SLC25A26: variants seen among roughly 807,000 people sequenced by gnomAD.
SLC25A26 encodes the protein solute carrier family 25 member 26.
Under a neutral mutation model 37.8 loss-of-function variants are expected in SLC25A26, and 36 were observed. The observed-to-expected ratio is 0.95, with a 90% CI of 0.73 to 1.26. The LOEUF (loss-of-function observed/expected upper bound fraction) is 1.26. SLC25A26 is among the 50% of genes most tolerant of loss of function. SLC25A26 has a pLI of 0.00. For synonymous variants in SLC25A26, 129 were observed against 122.5 expected, an observed-to-expected ratio of 1.05 and a Z score of -0.35; for missense variants, 390 against 331.1, an observed-to-expected ratio of 1.18 and a Z score of -1.38.
intron 5 of SLC25A26, among the ~76,000 whole-genome samples, chr3:66,334,564 C>T (rs539255749): frequency 3.9e-5 from 6 of 152,312 alleles, no homozygotes; most frequent in Admixed American, 6.5e-5. Context: ...GATCCACCGG[C>T]CTCAGCCTCC....
chr3:66,343,754 A>C (rs2076259705), intron 5 of SLC25A26, among the ~76,000 whole-genome samples: 1 of 152,238 alleles, frequency 6.6e-6, no homozygotes, highest in Admixed American at 6.5e-5. Context: ...TTACTAATCC[A>C]TAATCATACT....
At chr3:66,238,898 A>G (rs191442047) in intron 2 of SLC25A26, among the ~76,000 whole-genome samples, 153 of 152,234 alleles carry the variant, frequency 1.0e-3, no homozygotes, top group Middle Eastern at 3.4e-3. Flanking sequence ...AGGCTCACAT[A>G]GTGTAACTTT....
intron 6 of SLC25A26, among the ~76,000 whole-genome samples, chr3:66,349,680 A>T (rs2076405796): frequency 6.6e-6 from 1 of 152,168 alleles, no homozygotes; most frequent in Non-Finnish European, 1.5e-5. Flanking sequence ...TAGTATTGGT[A>T]TGGATGTAGG....
At chr3:66,370,761 T>C (rs957196553) in intron 9 of SLC25A26, 159 bp downstream of exon 9, 26 of 180,064 alleles carry the variant, frequency 1.4e-4, no homozygotes, top group Admixed American at 7.2e-4. Context: ...ATATATGAGA[T>C]AACATAGCAA....
In SLC25A26 at chr3:66,168,185, G is replaced by GTA. The variant is rs375969349; in HGVS notation, c.-354+34216_-354+34217dup. Among the ~76,000 whole-genome samples the GTA allele has an allele frequency of 1.3e-3, 139 of 109,084 alleles. No individual in the cohort carries two copies. In the East Asian group the frequency reaches 0.014, roughly 11 times the overall value. The allele number at this position is 109,084 out of a possible 152,430, so 71.6% of individuals were successfully genotyped here. The stretch of plus-strand genomic sequence containing the variant: ...AATATATATATATATATGTGTGTGT[G>GTA]TATATATATATATATACACACACAC... On this transcript the variant is annotated intron_variant, in intron 1 of 10. Transcript: ENST00000676754.
At chr3:66,375,290 C>T (rs942004482) in intron 9 of SLC25A26, among the ~76,000 whole-genome samples, 1 of 151,862 alleles carries the variant, frequency 6.6e-6, no homozygotes, top group Non-Finnish European at 1.5e-5. Flanking sequence ...GGTGAAGTGG[C>T]AAGTGCTGAT....
At chr3:66,304,468 C>G (rs971234386) in intron 5 of SLC25A26, 1 of 456,264 alleles carries the variant, frequency 2.2e-6, no homozygotes, top group Non-Finnish European at 4.4e-6. Flanking sequence ...GGATTAGAGT[C>G]AAAGGTGTGG....
intron 5 of SLC25A26, among the ~76,000 whole-genome samples, chr3:66,292,956 C>G (rs1380556014): frequency 6.6e-6 from 1 of 152,048 alleles, no homozygotes; most frequent in East Asian, 1.9e-4. Context: ...TCACATAGTC[C>G]TATATTTCTT....
At chr3:66,363,009 C>T (rs745305592) in intron 7 of SLC25A26, 80 bp downstream of exon 7, 50 of 885,654 alleles carry the variant, frequency 5.6e-5, no homozygotes, top group Non-Finnish European at 7.1e-5. Context: ...AAACAACATT[C>T]TTTAGACATT....
chr3:66,234,969 T>A (rs2072205918), intron 1 of SLC25A26, among the ~76,000 whole-genome samples: 1 of 152,234 alleles, frequency 6.6e-6, no homozygotes, highest in African/African-American at 2.4e-5. Context: ...CTCTTTATAA[T>A]GCCTCTGCCT....
chr3:66,331,037 ACTAT>A (rs1286746256), intron 5 of SLC25A26, among the ~76,000 whole-genome samples: 1 of 151,958 alleles, frequency 6.6e-6, no homozygotes, highest in Non-Finnish European at 1.5e-5. Flanking sequence ...ATATATGGAA[ACTAT>A]CTCTTCTTTT....
intron 5 of SLC25A26, among the ~76,000 whole-genome samples, chr3:66,327,245 A>G (rs1212839069): frequency 6.6e-6 from 1 of 152,192 alleles, no homozygotes; most frequent in Non-Finnish European, 1.5e-5. Context: ...AAGTATTTTA[A>G]GTCAAAGAAA....
intron 1 of SLC25A26, among the ~76,000 whole-genome samples, chr3:66,160,711 G>T (rs1041469637): frequency 6.6e-6 from 1 of 152,162 alleles, no homozygotes; most frequent in Non-Finnish European, 1.5e-5. Context: ...GAGGCAGGTG[G>T]ATCACTGAAT....
chr3:66,322,002 C>A (rs936709243), intron 5 of SLC25A26, among the ~76,000 whole-genome samples: 14 of 152,050 alleles, frequency 9.2e-5, no homozygotes, highest in Non-Finnish European at 2.1e-4. Flanking sequence ...GAGGGTGGTG[C>A]CCCCATGACC....
At chr3:66,322,592 T>A (rs1434515795) in intron 5 of SLC25A26, among the ~76,000 whole-genome samples, 1 of 152,250 alleles carries the variant, frequency 6.6e-6, no homozygotes, top group Admixed American at 6.5e-5. Context: ...TCCCACAATT[T>A]TCTGCATGTT....
rs146738121 is a variant in SLC25A26, at chr3:66,227,868, G to A, written c.33+6741G>A. On this transcript the variant is annotated intron_variant, in intron 1 of 9. Coordinates refer to ENST00000354883, the MANE Select transcript of SLC25A26 (RefSeq NM_001379210.1). ...TGGAGTGAAGAAAGGTAATACGAAT[G>A]AAGTATTGGGTATACTATTAAAAGA... is the stretch of plus-strand genomic sequence containing the variant. Among the ~76,000 whole-genome samples, 95 of 152,272 alleles carry A rather than the reference G, an allele frequency of 6.2e-4. 1 individual carries two copies. The East Asian group carries it at 0.015, about 24-fold the overall frequency.
In SLC25A26 at chr3:66,221,072, G is replaced by A. The variant is rs905278666; in HGVS notation, c.-23G>A. On this transcript the variant is annotated 5_prime_UTR_variant, in exon 1 of 10. An upstream open reading frame in the 5' UTR loses its in-frame stop. Transcript: ENST00000354883. ...CGCTTCTGCTCCGGCTTGGATTGTA[G>A]CCTTGACGAGGTCTGAGCGACCATG... 1.6e-5 allele frequency: 25 copies of A among 1,535,264 alleles called. No homozygotes were observed. The highest frequency in any genetic ancestry group is 1.5e-4 in the African/African-American group (11 of 72,852).
At chr3:66,346,715 C>CGTGTGTGT (rs34944870) in intron 6 of SLC25A26, among the ~76,000 whole-genome samples, 2,800 of 138,952 alleles carry the variant, frequency 0.02, 36 homozygotes, top group Non-Finnish European at 0.03. Flanking sequence ...TTGCTGTGTG[C>CGTGTGTGT]GTGTGTGTGT....
chr3:66,208,541 C>T (rs906519612), intron 1 of SLC25A26, among the ~76,000 whole-genome samples: 151 of 151,306 alleles, frequency 1.0e-3, no homozygotes, highest in Non-Finnish European at 1.5e-3. Flanking sequence ...CCCACTTTTC[C>T]GGGACCCTCC....
Sources: gnomAD v4.1 joint callset for allele counts (sites outside exome capture counted in the v4.1 genomes callset) on GRCh38, gnomAD v4.1.1 for gene constraint, MANE v1.5 for transcripts, NCBI Gene and HGNC (gene_info 2026-07-23, HGNC 2026-07-21) for gene names.